The following HS3ST5 variants were observed in gnomAD, a reference collection of about 807,000 sequenced individuals.
HS3ST5 encodes the protein heparan sulfate-glucosamine 3-sulfotransferase 5, also known as heparan sulfate glucosamine 3-O-sulfotransferase 5.
A neutral mutation model predicts 25.4 loss-of-function variants in HS3ST5; 10 were observed. That is an observed-to-expected ratio of 0.39 (90% CI 0.24 to 0.67). HS3ST5 has a LOEUF of 0.67. HS3ST5 is among the 30% of genes least tolerant of loss of function. HS3ST5 has a pLI of 0.44. For synonymous variants in HS3ST5, 170 were observed against 162.4 expected (o/e 1.05, Z -0.36); for missense variants, 324 against 420.7 (o/e 0.77, Z 2.01).
chr6:114,118,159 G>C (rs1341392911), intron 3 of HS3ST5, among the ~76,000 whole-genome samples: 1 of 152,128 alleles, frequency 6.6e-6, no homozygotes, highest in East Asian at 1.9e-4. Context: ...ATTATGACCA[G>C]ATTTACCAGT....
chr6:114,333,328 G>A (rs1776479286), intron 1 of HS3ST5, among the ~76,000 whole-genome samples: 1 of 152,162 alleles, frequency 6.6e-6, no homozygotes, highest in African/African-American at 2.4e-5. Context: ...TGTCTGCGCA[G>A]ATGATACTGC....
At chr6:114,226,544 A>G (rs966234194) in intron 2 of HS3ST5, among the ~76,000 whole-genome samples, 2 of 151,948 alleles carry the variant, frequency 1.3e-5, no homozygotes, top group Non-Finnish European at 2.9e-5. Flanking sequence ...TTAGACTTTT[A>G]TATGAGAAAC....
intron 3 of HS3ST5, among the ~76,000 whole-genome samples, chr6:114,073,021 C>T (rs1773913000): frequency 6.6e-6 from 1 of 152,130 alleles, no homozygotes; most frequent in South Asian, 2.1e-4. Flanking sequence ...TTTGACAAAC[C>T]TGACAAAAAC....
At chr6:114,263,591 C>A (rs963543107) in intron 1 of HS3ST5, among the ~76,000 whole-genome samples, 8 of 152,160 alleles carry the variant, frequency 5.3e-5, no homozygotes, top group African/African-American at 1.9e-4. Flanking sequence ...AAGTTTCTAT[C>A]ATTGATTTCT....
intron 3 of HS3ST5, among the ~76,000 whole-genome samples, chr6:114,150,347 C>A (rs986819704): frequency 6.6e-6 from 1 of 152,238 alleles, no homozygotes; most frequent in Non-Finnish European, 1.5e-5. Flanking sequence ...CAGTGGCACA[C>A]AGTGCCAAAG....
chr6:114,327,527 A>C (rs1451630095), intron 1 of HS3ST5, among the ~76,000 whole-genome samples: 1 of 152,252 alleles, frequency 6.6e-6, no homozygotes, highest in Non-Finnish European at 1.5e-5. Flanking sequence ...GCAAATTACA[A>C]GATGGCAGTA....
chr6:114,244,907 G>A (rs1772310525), intron 1 of HS3ST5, among the ~76,000 whole-genome samples: 1 of 152,136 alleles, frequency 6.6e-6, no homozygotes, highest in Non-Finnish European at 1.5e-5. Flanking sequence ...TCAAGGAGGA[G>A]ACAGCAGATG....
At chr6:114,170,169 T>C (rs1779410736) in intron 2 of HS3ST5, among the ~76,000 whole-genome samples, 1 of 152,106 alleles carries the variant, frequency 6.6e-6, no homozygotes, top group Non-Finnish European at 1.5e-5. Context: ...TTACAAACAT[T>C]TATTAAGTGT....
intron 1 of HS3ST5, among the ~76,000 whole-genome samples, chr6:114,247,168 T>C (rs1323938864): frequency 1.3e-5 from 2 of 152,212 alleles, no homozygotes; most frequent in Non-Finnish European, 2.9e-5. Flanking sequence ...ACTATCCTTC[T>C]GAGGTTAAGC....
intron 1 of HS3ST5, among the ~76,000 whole-genome samples, chr6:114,314,022 C>T (rs2114854983): frequency 6.6e-6 from 1 of 152,222 alleles, no homozygotes; most frequent in South Asian, 2.1e-4. Flanking sequence ...GCCCCCCAGG[C>T]TCGCGTGATT....
intron 3 of HS3ST5, among the ~76,000 whole-genome samples, chr6:114,090,395 A>G (rs1775061681): frequency 6.6e-6 from 1 of 152,094 alleles, no homozygotes; most frequent in African/African-American, 2.4e-5. Flanking sequence ...TGAAGTAGTA[A>G]ATGAATGTCA....
chr6:114,341,656 G>GC (rs1776883174), intron 1 of HS3ST5, among the ~76,000 whole-genome samples: 1 of 151,816 alleles, frequency 6.6e-6, no homozygotes, highest in African/African-American at 2.4e-5. Flanking sequence ...AGGGGTGTGG[G>GC]GGGGGCCAGC....
At chr6:114,170,290 TAA>T (rs1779416891) in intron 2 of HS3ST5, among the ~76,000 whole-genome samples, 4 of 152,024 alleles carry the variant, frequency 2.6e-5, no homozygotes, top group Admixed American at 2.6e-4. Context: ...GTTACAAATG[TAA>T]ATATAGAGTA....
intron 3 of HS3ST5, among the ~76,000 whole-genome samples, chr6:114,092,680 T>G (rs1775188346): frequency 7.2e-6 from 1 of 138,566 alleles, no homozygotes; most frequent in Non-Finnish European, 1.5e-5. Context: ...ATTTATTTTG[T>G]TTTTTTTTTT....
At chr6:114,251,281 C>A (rs905259974) in intron 1 of HS3ST5, among the ~76,000 whole-genome samples, 8 of 152,080 alleles carry the variant, frequency 5.3e-5, no homozygotes, top group Non-Finnish European at 1.2e-4. Context: ...ATATGTCGAA[C>A]AGATGAAAGA....
intron 3 of HS3ST5, among the ~76,000 whole-genome samples, chr6:114,080,673 A>T (rs1774401438): frequency 6.6e-6 from 1 of 152,202 alleles, no homozygotes. Context: ...AACTGACTTA[A>T]TGCAGGAATA....
chr6:114,192,284 T>C (rs190387165), intron 2 of HS3ST5, among the ~76,000 whole-genome samples: 7 of 152,302 alleles, frequency 4.6e-5, no homozygotes, highest in Non-Finnish European at 8.8e-5. Context: ...GATGGTTGAG[T>C]GTTCTAAGCA....
chr6:114,100,794 C>T (rs530354477), intron 3 of HS3ST5, among the ~76,000 whole-genome samples: 3 of 152,252 alleles, frequency 2.0e-5, no homozygotes, highest in South Asian at 4.1e-4. Flanking sequence ...CCAAAACATA[C>T]ACAGTATATG....
rs116158987 is a variant in HS3ST5, at chr6:114,208,557, A to G, written c.-145+20028T>C. On this transcript the variant is annotated intron_variant, in intron 2 of 4. Coordinates refer to ENST00000312719, the MANE Select transcript of HS3ST5 (RefSeq NM_153612.4). ...GAATCATATTGCTTATGAGAACTGA[A>G]GAGAGGATCATTGCAGGGGCGAGTG... Among the ~76,000 whole-genome samples, 1,014 of 152,298 alleles carry G rather than the reference A, an allele frequency of 6.7e-3. 13 individuals carry two copies. The highest frequency in any genetic ancestry group is 0.023 in the African/African-American group (961 of 41,576).
Sources: allele counts gnomAD v4.1 joint callset (sites outside exome capture counted in the v4.1 genomes callset), GRCh38; gene constraint gnomAD v4.1.1; transcripts MANE v1.5; gene names NCBI Gene and HGNC (gene_info 2026-07-23, HGNC 2026-07-21).